The following COPS7B variants were observed in gnomAD, a reference collection of about 807,000 sequenced individuals.
COPS7B encodes the protein COP9 signalosome complex subunit 7b.
Under a neutral mutation model 33.4 loss-of-function variants are expected in COPS7B, and 9 were observed. The ratio of observed to expected loss-of-function variants is 0.27; its 90% CI spans 0.16 to 0.47. COPS7B has a LOEUF of 0.47. COPS7B is among the 20% of genes least tolerant of loss of function. The pLI, the probability that COPS7B is intolerant of heterozygous loss-of-function variation, is 0.99. For missense variants in COPS7B, 242 were observed against 318.2 expected (o/e 0.76, Z 1.82); for synonymous variants, 119 against 126.3 (o/e 0.94, Z 0.39).
In COPS7B at chr2:231,788,661, A is replaced by G. The variant is rs1481120367; in HGVS notation, c.91A>G (p.Ile31Val). 6.2e-7 allele frequency: 1 copy of G among 1,614,088 alleles called. No individual in the cohort carries two copies. The highest frequency in any genetic ancestry group is 8.5e-7 in the Non-Finnish European group (1 of 1,180,022). Residue 31 changes from isoleucine to valine, a missense_variant, in exon 2 of 7, where the codon ATA becomes GTA. By Grantham distance (29) the Ile-to-Val change is conservative. Transcript: ENST00000350033. Reference sequence around the variant, plus strand: ...CAGTGGCTCAGCCCTCACTGCTCTCATAAGCCAGGTCTTAGAGGCTCCCGG... The same window carrying G: ...CAGTGGCTCAGCCCTCACTGCTCTCGTAAGCCAGGTCTTAGAGGCTCCCGG... ...GTSGSALTAL[I>V]SQVLEAPGVY...
intron 6 of COPS7B, among the ~76,000 whole-genome samples, chr2:231,799,929 C>T (rs889667673): frequency 4.1e-4 from 63 of 152,210 alleles, no homozygotes; most frequent in African/African-American, 1.3e-3. Context: ...ATTTGTAAGA[C>T]GAGCGTCTTG....
intron 6 of COPS7B, among the ~76,000 whole-genome samples, chr2:231,800,005 T>C (rs1320583081): frequency 6.6e-6 from 1 of 152,182 alleles, no homozygotes; most frequent in Non-Finnish European, 1.5e-5. Flanking sequence ...ACCATAAAAG[T>C]GTGTCAGTGG....
chr2:231,783,397 A>G (rs1054296569), upstream of COPS7B, among the ~76,000 whole-genome samples: 1 of 152,192 alleles, frequency 6.6e-6, no homozygotes, highest in African/African-American at 2.4e-5. Context: ...GCAATATGAG[A>G]GAGTTCTAGG....
At chr2:231,786,385 C>T, upstream of COPS7B, 2 of 936,300 alleles carry the variant, frequency 2.1e-6, no homozygotes, top group Non-Finnish European at 2.5e-6. Flanking sequence ...GCGAGTGCAG[C>T]GGTGGGAGGC....
intron 6 of COPS7B, among the ~76,000 whole-genome samples, chr2:231,802,675 T>A (rs527336845): frequency 1.1e-4 from 16 of 152,348 alleles, no homozygotes; most frequent in African/African-American, 3.4e-4. Context: ...TAAGAAAGTC[T>A]ACGAGACCAG....
At chr2:231,785,222 A>C (rs533175151), upstream of COPS7B, among the ~76,000 whole-genome samples, 1 of 152,246 alleles carries the variant, frequency 6.6e-6, no homozygotes, top group Non-Finnish European at 1.5e-5. Flanking sequence ...CACTCTAACA[A>C]GGCAATTATT....
chr2:231,798,749 A>G, intron 5 of COPS7B, 110 bp from the exon 6 acceptor site: 1 of 790,550 alleles, frequency 1.3e-6, no homozygotes, highest in Non-Finnish European at 2.1e-6. Context: ...GGAGTATTAA[A>G]GGAGGTCCCT....
rs186074063 is a variant in COPS7B at position 231,805,691 on chromosome 2, G to A, written c.637-1796G>A. 5.9e-3 allele frequency among the ~76,000 whole-genome samples: 889 copies of A among 151,688 alleles called. 8 individuals carry two copies. The highest frequency in any genetic ancestry group is 0.021 in the African/African-American group (848 of 41,336). ...GTCTTACTTGAATGTCATCTAGGCT[G>A]GAGTGCAGTGGTGCAGACATGGCTC... is the stretch of plus-strand genomic sequence containing the variant. On this transcript the variant is annotated intron_variant, in intron 6 of 6. Transcript: ENST00000350033.
At chr2:231,784,515 A>G (rs1214450485), upstream of COPS7B, among the ~76,000 whole-genome samples, 1 of 151,986 alleles carries the variant, frequency 6.6e-6, no homozygotes, top group Non-Finnish European at 1.5e-5. Context: ...ACTAAATCCA[A>G]ATTGCAGCCA....
Position 231,807,677 on chromosome 2 carries a change from C to G in COPS7B, c.*32C>G, listed in dbSNP as rs982600237. 2.0e-6 allele frequency: 3 copies of G among 1,534,212 alleles called. No individual in the cohort carries two copies. Among genetic ancestry groups the G allele is most frequent in the African/African-American group, 1.4e-5 (1 of 71,946 alleles). On this transcript the variant is annotated 3_prime_UTR_variant, in exon 7 of 7. Coordinates refer to ENST00000350033, the MANE Select transcript of COPS7B (RefSeq NM_022730.4). ...CTGGGGCAGCTGGCACTCACCAGGC[C>G]TGGGTCAGGTGGGGAGGGGACACCA...
At chr2:231,792,567 T>G (rs17199670) in intron 3 of COPS7B, among the ~76,000 whole-genome samples, 27,635 of 152,206 alleles carry the variant, frequency 0.18, 2,842 homozygotes, top group Non-Finnish European at 0.23. Flanking sequence ...GTGCCCCTTA[T>G]GTTTGTGTTT....
intron 1 of COPS7B, among the ~76,000 whole-genome samples, chr2:231,787,897 C>T (rs1038837429): frequency 6.6e-6 from 1 of 152,086 alleles, no homozygotes. Context: ...CATTTCTTAA[C>T]CAGAATGTAT....
chr2:231,794,213 T>A, intron 3 of COPS7B, 50 bp from the exon 4 acceptor site: 1 of 1,501,158 alleles, frequency 6.7e-7, no homozygotes, highest in Non-Finnish European at 9.3e-7. Flanking sequence ...ATAAAAGAAA[T>A]CCTAATTTTA....
intron 3 of COPS7B, chr2:231,793,860 C>G (rs2049489966): frequency 6.1e-6 from 1 of 163,992 alleles, no homozygotes; most frequent in East Asian, 1.8e-4. Flanking sequence ...GTTGGTGGCC[C>G]TGGAGTTGTG....
chr2:231,796,297 C>A lies in COPS7B; in HGVS notation c.519C>A (p.Thr173=). 1 of 1,613,846 alleles carries A rather than the reference C, an allele frequency of 6.2e-7. No homozygotes were observed. Among genetic ancestry groups the A allele is most frequent in the Non-Finnish European group, 8.5e-7 (1 of 1,179,928 alleles). Residue 173 remains threonine (T), a synonymous_variant, in exon 5 of 7, where the codon ACC becomes ACA. Transcript: ENST00000350033. ...AGGATATCAATAATATTGTCAAGAC[C>A]CTGCATGAATGGTGAGGCTAAAAGG... ...RKKDINNIVK[T]LHEWCDGCEA...
At chr2:231,788,208 C>A (rs2049308692) in intron 1 of COPS7B, among the ~76,000 whole-genome samples, 1 of 145,868 alleles carries the variant, frequency 6.9e-6, no homozygotes, top group Non-Finnish European at 1.5e-5. Flanking sequence ...ACAATCTTGG[C>A]TCACTGCAAC....
chr2:231,797,539 A>G (rs1172417270), intron 5 of COPS7B, among the ~76,000 whole-genome samples: 2 of 152,170 alleles, frequency 1.3e-5, no homozygotes, highest in Non-Finnish European at 2.9e-5. Context: ...TTATGTCCAT[A>G]GTCTGGTTTC....
At chr2:231,802,706 C>T (rs2106341249) in intron 6 of COPS7B, among the ~76,000 whole-genome samples, 1 of 152,214 alleles carries the variant, frequency 6.6e-6, no homozygotes, top group East Asian at 1.9e-4. Flanking sequence ...ATTGGTTGAC[C>T]TACCTGGGTG....
chr2:231,801,707 A>G (rs974855997), intron 6 of COPS7B, among the ~76,000 whole-genome samples: 4 of 147,822 alleles, frequency 2.7e-5, no homozygotes, highest in East Asian at 2.0e-4. Context: ...ACCTCAAGCT[A>G]TCCTCCCACC....
Sources: allele counts gnomAD v4.1 joint callset (sites outside exome capture counted in the v4.1 genomes callset), GRCh38; gene constraint gnomAD v4.1.1; transcripts MANE v1.5; gene names NCBI Gene and HGNC (gene_info 2026-07-23, HGNC 2026-07-21).